Variants in DNAH9 observed in about 807,000 individuals in gnomAD.
The protein encoded by DNAH9 is dynein axonemal heavy chain 9.
A neutral mutation model predicts 471.6 loss-of-function variants in DNAH9; 345 were observed. The ratio of observed to expected loss-of-function variants is 0.73; its 90% CI spans 0.67 to 0.80. The LOEUF (loss-of-function observed/expected upper bound fraction) is 0.80. Among genes scored for constraint, DNAH9 ranks in the 30% least tolerant of loss-of-function variants. The pLI, the probability that DNAH9 is intolerant of heterozygous loss-of-function variation, is 0.00. For missense variants in DNAH9, 5,407 were observed against 5,609.2 expected (o/e 0.96, Z 1.15); for synonymous variants, 2,093 against 2,123.6 (o/e 0.99, Z 0.40).
rs756091405 is a variant in DNAH9, at chr17:11,769,123, C to T, written c.7346C>T (p.Ala2449Val). 2.0e-5 allele frequency: 32 copies of T among 1,614,006 alleles called. No individual in the cohort carries two copies. The highest frequency in any genetic ancestry group is 1.3e-4 in the Admixed American group (8 of 60,002). The change falls in exon 38 of 69, where the codon GCG becomes GTG. Residue 2449 changes from alanine to valine, a missense_variant and splice_region_variant. Coordinates refer to ENST00000262442, the MANE Select transcript of DNAH9 (RefSeq NM_001372.4). ...AGGCTTATTGTGCTCCCATTCCAGG[C>T]GTGTTTGGTGCACACGAGTGAGACC... ...FEFDPEMPLQ[A>V]CLVHTSETIR... is the part of the protein sequence containing the mutation.
chr17:11,757,774 T>C, intron 35 of DNAH9, 82 bp downstream of exon 35: 1 of 1,451,274 alleles, frequency 6.9e-7, no homozygotes, highest in Non-Finnish European at 9.4e-7. Flanking sequence ...CTGCTGATGT[T>C]CTGTCCTGTC....
intron 43 of DNAH9, among the ~76,000 whole-genome samples, chr17:11,806,914 G>A (rs954769023): frequency 3.3e-5 from 5 of 152,124 alleles, no homozygotes; most frequent in Non-Finnish European, 5.9e-5. Context: ...TTAGACATAC[G>A]ATTGGAAGCG....
rs540724190 is a variant in DNAH9, at chr17:11,797,517, G to A, written c.8224-80G>A. 4.1e-6 allele frequency: 5 copies of A among 1,208,826 alleles called. No individual in the cohort carries two copies. In the African/African-American group the frequency reaches 6.1e-5, roughly 15 times the overall value. The allele number at this position is 1,208,826 out of a possible 1,614,324, so 74.9% of individuals were successfully genotyped here. A position where few individuals can be genotyped will look rare whatever the true frequency, so the allele number is the denominator to read the frequency against. The stretch of plus-strand genomic sequence containing the variant: ...GCCTAATTTCCAGGGAATGTGCAGA[G>A]CAAATCAGGTGTCTCTGCTCTGTGG... On this transcript the variant is annotated intron_variant, in intron 42 of 68. Transcript: ENST00000262442.
chr17:11,644,904 A>G (rs1204123559), intron 11 of DNAH9, among the ~76,000 whole-genome samples: 1 of 152,234 alleles, frequency 6.6e-6, no homozygotes, highest in Non-Finnish European at 1.5e-5. Flanking sequence ...CTGGAAATAA[A>G]TACTTTTCCA....
intron 62 of DNAH9, among the ~76,000 whole-genome samples, chr17:11,928,092 T>G (rs1052291492): frequency 7.9e-5 from 4 of 50,816 alleles, no homozygotes; most frequent in Non-Finnish European, 1.9e-4. Flanking sequence ...TACAAAATCC[T>G]TTATTTATTT....
chr17:11,623,471 CT>C lies in DNAH9; in HGVS notation c.1350+3694del, dbSNP rs2072913802. Among the ~76,000 whole-genome samples, 1 of 152,122 alleles carries C rather than the reference CT, an allele frequency of 6.6e-6. No homozygotes were observed. Among genetic ancestry groups the C allele is most frequent in the Admixed American group, 6.6e-5 (1 of 15,260 alleles). ...CCCTTTTCCTCATATTTCCTCCCCTCTTTTATTTTTAATCTCCCAAATGTCT... is the reference window on the plus strand; with the variant it reads ...CCCTTTTCCTCATATTTCCTCCCCTCTTTATTTTTAATCTCCCAAATGTCT... On this transcript the variant is annotated intron_variant, in intron 6 of 68. Coordinates refer to ENST00000262442, the MANE Select transcript of DNAH9 (RefSeq NM_001372.4). The surrounding 1 kb of genome is among the most constrained non-coding windows in gnomAD (Gnocchi z 4.1).
intron 14 of DNAH9, among the ~76,000 whole-genome samples, chr17:11,657,610 C>T (rs2073677247): frequency 6.6e-6 from 1 of 151,990 alleles, no homozygotes; most frequent in African/African-American, 2.4e-5. Flanking sequence ...CCTAAGGAAA[C>T]TATTTACTCC....
intron 53 of DNAH9, among the ~76,000 whole-genome samples, chr17:11,877,154 T>C (rs1972524066): frequency 6.6e-6 from 1 of 151,784 alleles, no homozygotes; most frequent in African/African-American, 2.4e-5. Flanking sequence ...AATTTAAATA[T>C]ATTAATTAAT....
At position 11,768,501 on chromosome 17, in the gene DNAH9, A is replaced by C; in HGVS notation, c.7219A>C (p.Lys2407Gln). ...EFSKWWLTEF[K>Q]TVKFPSQGTI... Reference sequence around the variant, plus strand: ...CAGCAAATGGTGGCTGACTGAGTTCAAAACAGTCAAGTTTCCTTCCCAAGG... The same window carrying C: ...CAGCAAATGGTGGCTGACTGAGTTCCAAACAGTCAAGTTTCCTTCCCAAGG... Residue 2407 changes from lysine to glutamine, a missense_variant, in exon 37 of 69, where the codon AAA becomes CAA. Transcript: ENST00000262442. The C allele has an allele frequency of 6.2e-7, 1 of 1,614,216 alleles. No individual in the cohort carries two copies.
rs182851951 is a variant in DNAH9 at position 11,794,416 on chromosome 17, G to T, written c.8223+752G>T. ...AATAATTTTAAAGACTGAAAATTTGGTCTAATAATAATCTAGAAGTTATTT... is the reference window on the plus strand; with the variant it reads ...AATAATTTTAAAGACTGAAAATTTGTTCTAATAATAATCTAGAAGTTATTT... On this transcript the variant is annotated intron_variant, in intron 42 of 68. Transcript: ENST00000262442. 1.6e-3 allele frequency among the ~76,000 whole-genome samples: 244 copies of T among 152,270 alleles called. 1 individual carries two copies. The highest frequency in any genetic ancestry group is 5.7e-3 in the African/African-American group (236 of 41,554).
chr17:11,749,065 TTTTTTTTTG>T lies in DNAH9; in HGVS notation c.6610+1308_6610+1316del, dbSNP rs1229136848. 2.2e-3 allele frequency among the ~76,000 whole-genome samples: 49 copies of T among 22,646 alleles called. 1 individual carries two copies. In the East Asian group the frequency reaches 0.049, roughly 23 times the overall value. 14.9% of individuals were successfully genotyped at this position (22,646 alleles called of 152,430 possible). On this transcript the variant is annotated intron_variant, in intron 32 of 68. Coordinates refer to ENST00000262442, the MANE Select transcript of DNAH9 (RefSeq NM_001372.4). ...TTTTTCTTACCAATTTTTAAGAGGG[TTTTTTTTTG>T]TTTTTTTTTTTGTTTTTTTTTTTTT... is the stretch of plus-strand genomic sequence containing the variant.
At chr17:11,940,088 A>T (rs1974852415) in intron 66 of DNAH9, among the ~76,000 whole-genome samples, 3 of 152,262 alleles carry the variant, frequency 2.0e-5, no homozygotes, top group African/African-American at 7.2e-5. Flanking sequence ...TATCATGTGT[A>T]TCAGAAATGT....
chr17:11,822,675 G>A, intron 47 of DNAH9, 76 bp downstream of exon 47: 2 of 1,596,702 alleles, frequency 1.3e-6, no homozygotes, highest in African/African-American at 1.3e-5. Context: ...CAGGATGTTA[G>A]GGTTAAAGAT....
chr17:11,832,157 A>G (rs79840521), intron 48 of DNAH9, among the ~76,000 whole-genome samples: 57 of 152,304 alleles, frequency 3.7e-4, no homozygotes, highest in African/African-American at 1.3e-3. Context: ...CATAAAATGG[A>G]CCTGAGTTAT....
At chr17:11,754,259 G>A (rs1020204043) in intron 33 of DNAH9, among the ~76,000 whole-genome samples, 5 of 152,036 alleles carry the variant, frequency 3.3e-5, no homozygotes, top group Non-Finnish European at 5.9e-5. Context: ...CCATGTCTTT[G>A]CCATTGTGAA....
chr17:11,602,129 C>A (rs2072399559), intron 1 of DNAH9, among the ~76,000 whole-genome samples: 1 of 151,376 alleles, frequency 6.6e-6, no homozygotes, highest in Admixed American at 6.6e-5. Context: ...TGACTTTTTG[C>A]ATTTTGGAAT....
intron 50 of DNAH9, among the ~76,000 whole-genome samples, chr17:11,856,250 A>T (rs1350896159): frequency 6.6e-6 from 1 of 152,176 alleles, no homozygotes; most frequent in Non-Finnish European, 1.5e-5. Flanking sequence ...TCTTGCTACA[A>T]ATTTGTCATG....
chr17:11,811,637 T>A (rs1215591045), intron 45 of DNAH9, among the ~76,000 whole-genome samples: 1 of 152,170 alleles, frequency 6.6e-6, no homozygotes, highest in Non-Finnish European at 1.5e-5. Flanking sequence ...AGAGTGGGTA[T>A]GACCTGGTTT....
At position 11,769,259 on chromosome 17, in the gene DNAH9, C is replaced by T; in HGVS notation, c.7482C>T (p.Ser2494=). 1 of 1,614,062 alleles carries T rather than the reference C, an allele frequency of 6.2e-7. No homozygotes were observed. The highest frequency in any genetic ancestry group is 8.5e-7 in the Non-Finnish European group (1 of 1,180,020). The change falls in exon 38 of 69, where the codon AGC becomes AGT. Residue 2494 remains serine (S), a synonymous_variant. Coordinates refer to ENST00000262442, the MANE Select transcript of DNAH9 (RefSeq NM_001372.4). ...TGCTGGTGGGAGCTAAGCTGGCCAG[C>T]CTTGACCCCGAGGCATACCTGGTGA... ...KSVLVGAKLA[S]LDPEAYLVKN...
Sources: gnomAD v4.1 joint callset for allele counts (sites outside exome capture counted in the v4.1 genomes callset) on GRCh38, gnomAD v4.1.1 for gene constraint, Gnocchi (gnomAD v3.1) non-coding constraint, MANE v1.5 for transcripts, NCBI Gene and HGNC (gene_info 2026-07-23, HGNC 2026-07-21) for gene names.